GRXCR1: variants seen among roughly 807,000 people sequenced by gnomAD.
GRXCR1 encodes the protein glutaredoxin domain-containing cysteine-rich protein 1.
In GRXCR1, 27 loss-of-function variants were observed where a neutral mutation model predicts 27.3. The ratio of observed to expected loss-of-function variants is 0.99; its 90% confidence interval spans 0.73 to 1.37. The LOEUF is 1.37. Among genes scored for constraint, GRXCR1 ranks in the 40% most tolerant of loss-of-function variants. The pLI, the probability that GRXCR1 is intolerant of heterozygous loss-of-function variation, is 0.00. For missense variants in GRXCR1, 379 were observed against 354.4 expected, an observed-to-expected ratio of 1.07 and a Z score of -0.56; for synonymous variants, 122 against 131.1, an observed-to-expected ratio of 0.93 and a Z score of 0.47.
chr4:42,903,887 T>G (rs1276880789), intron 1 of GRXCR1, among the ~76,000 whole-genome samples: 1 of 152,160 alleles, frequency 6.6e-6, no homozygotes, highest in Admixed American at 6.6e-5. Context: ...TGTTGGAAAT[T>G]AAGTAGCTGC....
At chr4:42,902,074 G>A (rs1282730968) in intron 1 of GRXCR1, among the ~76,000 whole-genome samples, 1 of 151,832 alleles carries the variant, frequency 6.6e-6, no homozygotes, top group Non-Finnish European at 1.5e-5. Flanking sequence ...AAATCTTTTT[G>A]GACTCTGGTC....
chr4:42,965,271 C>A lies in GRXCR1; in HGVS notation c.627+2137C>A, dbSNP rs534665587. On this transcript the variant is annotated intron_variant, in intron 2 of 3. Coordinates refer to ENST00000399770, the MANE Select transcript of GRXCR1 (RefSeq NM_001080476.3). ...TAGAGGAGGAACTATCATACAGGTGCTACCTTGCTGTTTCTTTAATTTAAG... is the reference window on the plus strand; with the variant it reads ...TAGAGGAGGAACTATCATACAGGTGATACCTTGCTGTTTCTTTAATTTAAG... Among the ~76,000 whole-genome samples the A allele has an allele frequency of 3.3e-5, 5 of 152,168 alleles. No homozygotes were observed. In the East Asian group the frequency reaches 9.7e-4, roughly 29 times the overall value.
At chr4:42,932,611 TATATATATAGAGAGAGAGAGAGAG>T (rs1280548905) in intron 1 of GRXCR1, among the ~76,000 whole-genome samples, 3 of 45,646 alleles carry the variant, frequency 6.6e-5, no homozygotes, top group East Asian at 6.0e-4. Flanking sequence ...TATATATATA[TATATATATAGAGAGAGAGAGAGAG>T]AGAGAGAGAG....
intron 3 of GRXCR1, among the ~76,000 whole-genome samples, chr4:43,021,539 A>T (rs574466176): frequency 6.6e-6 from 1 of 152,314 alleles, no homozygotes; most frequent in South Asian, 2.1e-4. Context: ...TTCAACAAAC[A>T]TTTATTAAGT....
chr4:42,931,635 A>T (rs1175344396), intron 1 of GRXCR1, among the ~76,000 whole-genome samples: 1 of 151,844 alleles, frequency 6.6e-6, no homozygotes, highest in Non-Finnish European at 1.5e-5. Context: ...TATTTTGTAC[A>T]ACATTTTGTT....
intron 2 of GRXCR1, among the ~76,000 whole-genome samples, chr4:42,974,532 G>A (rs1004958692): frequency 1.3e-5 from 2 of 152,134 alleles, no homozygotes; most frequent in Non-Finnish European, 2.9e-5. Flanking sequence ...TGCGGAATGT[G>A]CTGTGAGCTT....
intron 1 of GRXCR1, among the ~76,000 whole-genome samples, chr4:42,895,671 T>G (rs949092162): frequency 3.3e-5 from 5 of 152,116 alleles, no homozygotes; most frequent in African/African-American, 1.2e-4. Flanking sequence ...CAATACACCC[T>G]ACTCAACATT....
chr4:42,893,773 C>A (rs1560638892), intron 1 of GRXCR1, 123 bp downstream of exon 1: 2 of 915,554 alleles, frequency 2.2e-6, no homozygotes, highest in Admixed American at 3.4e-5. Context: ...ATGAGACGCT[C>A]CTCCACCTAA....
intron 2 of GRXCR1, among the ~76,000 whole-genome samples, chr4:43,001,312 C>A (rs1712349457): frequency 6.6e-6 from 1 of 151,962 alleles, no homozygotes; most frequent in Admixed American, 6.6e-5. Flanking sequence ...TTAAATTCAC[C>A]TTGGGCAAGA....
chr4:43,015,163 G>A (rs1712892997), intron 2 of GRXCR1, among the ~76,000 whole-genome samples: 1 of 151,956 alleles, frequency 6.6e-6, no homozygotes, highest in African/African-American at 2.4e-5. Context: ...AGAAATTCAG[G>A]GTATGAGAAG....
chr4:42,928,045 C>G (rs1158035935), intron 1 of GRXCR1, among the ~76,000 whole-genome samples: 1 of 151,936 alleles, frequency 6.6e-6, no homozygotes, highest in Non-Finnish European at 1.5e-5. Context: ...GCATATTTAT[C>G]CTCCAGTACT....
chr4:42,983,924 C>A (rs937918229), intron 2 of GRXCR1, among the ~76,000 whole-genome samples: 2 of 148,422 alleles, frequency 1.3e-5, no homozygotes, highest in Admixed American at 1.3e-4. Flanking sequence ...GAACCTTCAT[C>A]TTCCAGGTTC....
At chr4:42,983,052 T>C (rs1345420884) in intron 2 of GRXCR1, among the ~76,000 whole-genome samples, 2 of 152,000 alleles carry the variant, frequency 1.3e-5, no homozygotes, top group East Asian at 1.9e-4. Flanking sequence ...GGAAGCTCTT[T>C]AGTTTAATTA....
At chr4:42,986,620 C>T (rs542312401) in intron 2 of GRXCR1, among the ~76,000 whole-genome samples, 24 of 152,156 alleles carry the variant, frequency 1.6e-4, no homozygotes, top group African/African-American at 5.8e-4. Flanking sequence ...TTTACTTATA[C>T]ATTTTATTGT....
intron 1 of GRXCR1, among the ~76,000 whole-genome samples, chr4:42,936,450 T>C (rs977330085): frequency 1.3e-5 from 2 of 151,900 alleles, no homozygotes; most frequent in African/African-American, 4.8e-5. Context: ...TATTTTAGAA[T>C]AGTTTTTGAT....
At chr4:42,981,153 AT>A (rs71201823) in intron 2 of GRXCR1, among the ~76,000 whole-genome samples, 64,036 of 134,866 alleles carry the variant, frequency 0.47, 14,948 homozygotes, top group African/African-American at 0.66. Context: ...CTGTAGTGGT[AT>A]TTTTTTTTTT....
At chr4:42,984,570 G>A (rs1406303871) in intron 2 of GRXCR1, among the ~76,000 whole-genome samples, 2 of 152,220 alleles carry the variant, frequency 1.3e-5, no homozygotes, top group African/African-American at 2.4e-5. Flanking sequence ...CTCCTTCAGA[G>A]ATTCTTGGCA....
At chr4:42,907,234 G>A (rs964896564) in intron 1 of GRXCR1, among the ~76,000 whole-genome samples, 14 of 152,078 alleles carry the variant, frequency 9.2e-5, no homozygotes, top group Admixed American at 1.3e-4. Context: ...CAGTAGCTTG[G>A]GGGTGCATCA....
At chr4:42,947,499 T>C (rs1747775319) in intron 1 of GRXCR1, among the ~76,000 whole-genome samples, 1 of 152,186 alleles carries the variant, frequency 6.6e-6, no homozygotes, top group Admixed American at 6.6e-5. Context: ...ATGCTTGGAA[T>C]ATAGACTTCA....
Sources: gnomAD v4.1 joint callset for allele counts (sites outside exome capture counted in the v4.1 genomes callset) on GRCh38, gnomAD v4.1.1 for gene constraint, MANE v1.5 for transcripts, NCBI Gene and HGNC (gene_info 2026-07-23, HGNC 2026-07-21) for gene names.